RNF150: variants seen among roughly 807,000 people sequenced by gnomAD.
RNF150 encodes the protein ring finger protein 150.
Under a neutral mutation model 39.3 loss-of-function variants are expected in RNF150, and 24 were observed. That is an observed-to-expected ratio of 0.61 (90% confidence interval 0.44 to 0.86). RNF150 has a LOEUF of 0.86. Among genes scored for constraint, RNF150 ranks in the 40% least tolerant of loss-of-function variants. The pLI is 0.00. For missense variants in RNF150, 502 were observed against 587.8 expected (o/e 0.85, Z 1.51); for synonymous variants, 255 against 227.3 (o/e 1.12, Z -1.10).
intron 1 of RNF150, among the ~76,000 whole-genome samples, chr4:141,130,142 T>C (rs1045537433): frequency 1.4e-4 from 22 of 152,320 alleles, no homozygotes; most frequent in South Asian, 1.2e-3. Context: ...CTGGACTACA[T>C]GGAAGACACT....
chr4:141,202,590 T>A (rs769260855), intron 1 of RNF150, among the ~76,000 whole-genome samples: 5 of 152,142 alleles, frequency 3.3e-5, no homozygotes, highest in African/African-American at 4.8e-5. Flanking sequence ...CATACTCTAA[T>A]GTAAAATAGT....
At chr4:141,075,405 G>T (rs540255171) in intron 1 of RNF150, among the ~76,000 whole-genome samples, 1 of 152,344 alleles carries the variant, frequency 6.6e-6, no homozygotes, top group East Asian at 1.9e-4. Flanking sequence ...CTATCTGGAA[G>T]TAACTTTCAA....
chr4:140,896,993 TG>T (rs1386324971), intron 6 of RNF150, among the ~76,000 whole-genome samples: 2 of 152,146 alleles, frequency 1.3e-5, no homozygotes, highest in Admixed American at 1.3e-4. Flanking sequence ...AAAACCTACT[TG>T]TATTTTCTAT....
At chr4:140,989,080 T>C (rs1734108714) in intron 1 of RNF150, among the ~76,000 whole-genome samples, 1 of 152,144 alleles carries the variant, frequency 6.6e-6, no homozygotes, top group Non-Finnish European at 1.5e-5. Flanking sequence ...CCACAAACTG[T>C]AGCAGTTTAG....
At chr4:140,890,234 T>C (rs1729712307) in intron 6 of RNF150, among the ~76,000 whole-genome samples, 1 of 152,220 alleles carries the variant, frequency 6.6e-6, no homozygotes, top group Admixed American at 6.5e-5. Context: ...TATCCTGCAA[T>C]TTACTTATTT....
chr4:140,888,380 G>T (rs1729649963), intron 6 of RNF150, among the ~76,000 whole-genome samples: 1 of 152,098 alleles, frequency 6.6e-6, no homozygotes, highest in African/African-American at 2.4e-5. Flanking sequence ...ACAATCTAAT[G>T]GATTTTATCT....
intron 1 of RNF150, among the ~76,000 whole-genome samples, chr4:140,986,727 C>G (rs1046576655): frequency 6.6e-6 from 1 of 151,930 alleles, no homozygotes; most frequent in Non-Finnish European, 1.5e-5. Flanking sequence ...ATGCAAATAC[C>G]GTTTACTGTA....
chr4:141,066,735 T>C (rs1215251586), intron 1 of RNF150, among the ~76,000 whole-genome samples: 1 of 152,214 alleles, frequency 6.6e-6, no homozygotes, highest in African/African-American at 2.4e-5. Flanking sequence ...CGTAAATTAA[T>C]ATAAAGTCTG....
At chr4:141,206,800 A>G (rs1364433073) in intron 1 of RNF150, among the ~76,000 whole-genome samples, 1 of 152,104 alleles carries the variant, frequency 6.6e-6, no homozygotes, top group Admixed American at 6.5e-5. Flanking sequence ...GCTGTCTGCC[A>G]GCAGGGAAGA....
chr4:141,207,086 A>T (rs2111225454), intron 1 of RNF150, among the ~76,000 whole-genome samples: 1 of 152,266 alleles, frequency 6.6e-6, no homozygotes, highest in African/African-American at 2.4e-5. Context: ...ACTCACCCAC[A>T]TTGAGGGTGG....
chr4:141,131,354 A>G (rs1367461568), intron 1 of RNF150, among the ~76,000 whole-genome samples: 1 of 152,252 alleles, frequency 6.6e-6, no homozygotes, highest in African/African-American at 2.4e-5. Context: ...TTGGGGAAGG[A>G]GGGCCCACTT....
intron 1 of RNF150, among the ~76,000 whole-genome samples, chr4:141,161,846 A>G (rs893083706): frequency 6.6e-6 from 1 of 152,222 alleles, no homozygotes; most frequent in Admixed American, 6.5e-5. Context: ...ACAGAGTACA[A>G]TTGCTGAGGC....
chr4:140,929,337 T>A (rs1024849136), intron 4 of RNF150, among the ~76,000 whole-genome samples: 1 of 151,324 alleles, frequency 6.6e-6, no homozygotes, highest in African/African-American at 2.4e-5. Context: ...TGGTCATTCT[T>A]ACACCTCCTC....
chr4:140,867,263 C>A lies in RNF150; in HGVS notation c.*998G>T, dbSNP rs908729385. Reference sequence around the variant, plus strand: ...GGACTTAAAAATGATTGGCTTTTCTCTAAAGCCTCCATTTTTTACAGAACC... The same window carrying A: ...GGACTTAAAAATGATTGGCTTTTCTATAAAGCCTCCATTTTTTACAGAACC... On this transcript the variant is annotated 3_prime_UTR_variant, in exon 7 of 7. Transcript: ENST00000515673. 1 of 152,194 alleles carries A rather than the reference C, an allele frequency of 6.6e-6. No homozygotes were observed. Among genetic ancestry groups the A allele is most frequent in the African/African-American group, 2.4e-5 (1 of 41,452 alleles). 9.4% of individuals were successfully genotyped at this position (152,194 alleles called of 1,614,324 possible).
intron 1 of RNF150, among the ~76,000 whole-genome samples, chr4:141,205,528 C>A (rs568277958): frequency 3.7e-4 from 57 of 152,234 alleles, no homozygotes; most frequent in African/African-American, 1.3e-3. Context: ...AGTCATTCTT[C>A]TAATGAATAT....
rs1012843001 is a variant in RNF150, at chr4:140,911,375, C to G, written c.988-21G>C. 1.9e-6 allele frequency: 3 copies of G among 1,605,454 alleles called. No individual in the cohort carries two copies. In the African/African-American group the frequency reaches 4.0e-5, roughly 21 times the overall value. On this transcript the variant is annotated intron_variant, in intron 5 of 6. Coordinates refer to ENST00000515673, the MANE Select transcript of RNF150 (RefSeq NM_020724.2). ...TTGGGCTGATGGGGCAGAAAAAGAT[C>G]TGTTCTCAGTACATGTCATCCACTT... is the stretch of plus-strand genomic sequence containing the variant.
intron 1 of RNF150, among the ~76,000 whole-genome samples, chr4:141,045,843 C>T (rs1736555220): frequency 6.6e-6 from 1 of 152,076 alleles, no homozygotes; most frequent in South Asian, 2.1e-4. Flanking sequence ...AGCGCCTGGC[C>T]TAGGAACACA....
chr4:140,960,886 T>C (rs1401898911), intron 2 of RNF150, among the ~76,000 whole-genome samples: 2 of 152,108 alleles, frequency 1.3e-5, no homozygotes, highest in Non-Finnish European at 2.9e-5. Flanking sequence ...ACGTGACCCA[T>C]TTAACAACCC....
At chr4:141,062,097 T>A (rs1272166886) in intron 1 of RNF150, among the ~76,000 whole-genome samples, 1 of 152,128 alleles carries the variant, frequency 6.6e-6, no homozygotes, top group Non-Finnish European at 1.5e-5. Flanking sequence ...GGAGACACAC[T>A]TTCATACTAC....
Sources: gnomAD v4.1 joint callset for allele counts (sites outside exome capture counted in the v4.1 genomes callset) on GRCh38, gnomAD v4.1.1 for gene constraint, MANE v1.5 for transcripts, NCBI Gene and HGNC (gene_info 2026-07-23, HGNC 2026-07-21) for gene names.